Variants in CA10 observed in about 807,000 individuals in gnomAD.
CA10 encodes carbonic anhydrase-related protein 10.
A neutral mutation model predicts 44.2 loss-of-function variants in CA10; 14 were observed. That is an observed-to-expected ratio of 0.32 (90% confidence interval 0.21 to 0.50). The LOEUF is 0.50. Among genes scored for constraint, CA10 ranks in the 20% least tolerant of loss-of-function variants. CA10 has a pLI of 0.99. For synonymous variants in CA10, 159 were observed against 141.6 expected (o/e 1.12, Z -0.87); for missense variants, 350 against 409.7 (o/e 0.85, Z 1.26).
At chr17:51,689,896 A>G (rs1915130150) in intron 4 of CA10, among the ~76,000 whole-genome samples, 1 of 152,152 alleles carries the variant, frequency 6.6e-6, no homozygotes, top group South Asian at 2.1e-4. Flanking sequence ...TAATTAACAT[A>G]TGCATTACTT....
At chr17:51,739,557 G>A (rs555857194) in intron 4 of CA10, among the ~76,000 whole-genome samples, 13 of 152,082 alleles carry the variant, frequency 8.5e-5, no homozygotes, top group Non-Finnish European at 1.8e-4. Flanking sequence ...AGATTAGGCT[G>A]GAGTCAATGG....
At chr17:51,852,883 T>TAC (rs1305608832) in intron 3 of CA10, among the ~76,000 whole-genome samples, 1 of 152,230 alleles carries the variant, frequency 6.6e-6, no homozygotes, top group Non-Finnish European at 1.5e-5. Context: ...TTACTACTCC[T>TAC]ACATCATGCT....
At chr17:51,915,710 T>A (rs562300657) in intron 3 of CA10, among the ~76,000 whole-genome samples, 1 of 152,278 alleles carries the variant, frequency 6.6e-6, no homozygotes, top group South Asian at 2.1e-4. Context: ...CAAATCAGTA[T>A]ACAGATGACA....
At chr17:51,763,230 C>T (rs914743575) in intron 3 of CA10, 2 of 152,182 alleles carry the variant, frequency 1.3e-5, no homozygotes, top group African/African-American at 4.8e-5. Context: ...GTTACATCAG[C>T]CAGTTTGCGT....
At chr17:52,099,878 G>A (rs929094901) in intron 1 of CA10, among the ~76,000 whole-genome samples, 2 of 152,190 alleles carry the variant, frequency 1.3e-5, no homozygotes, top group Admixed American at 6.5e-5. Flanking sequence ...TGATGCTACT[G>A]TAAGGTCATG....
chr17:51,888,538 AT>A (rs1166496444), intron 3 of CA10, among the ~76,000 whole-genome samples: 5 of 152,334 alleles, frequency 3.3e-5, no homozygotes, highest in Non-Finnish European at 4.4e-5. Flanking sequence ...CAAAATACCT[AT>A]CTCAATAGAT....
At chr17:51,934,961 GTGCC>G (rs1982806682) in intron 2 of CA10, among the ~76,000 whole-genome samples, 1 of 152,120 alleles carries the variant, frequency 6.6e-6, no homozygotes, top group Non-Finnish European at 1.5e-5. Flanking sequence ...TGAAGTGCCT[GTGCC>G]TACTGGGGCA....
chr17:51,782,468 C>G (rs574788466), intron 3 of CA10, among the ~76,000 whole-genome samples: 1 of 152,358 alleles, frequency 6.6e-6, no homozygotes, highest in East Asian at 1.9e-4. Flanking sequence ...TGAAGGCCCA[C>G]TGGACTAGAA....
At chr17:51,728,278 CCTTAA>C (rs376563137) in intron 4 of CA10, among the ~76,000 whole-genome samples, 22 of 152,168 alleles carry the variant, frequency 1.4e-4, no homozygotes, top group African/African-American at 5.1e-4. Flanking sequence ...ATCCATCTTC[CCTTAA>C]CTTTTTTTTT....
intron 2 of CA10, 133 bp downstream of exon 2, chr17:52,072,186 T>C (rs1483078948): frequency 1.7e-6 from 1 of 604,960 alleles, no homozygotes; most frequent in Non-Finnish European, 2.8e-6. Flanking sequence ...TAACAAACTT[T>C]GTCTTGATGG....
chr17:51,869,698 T>A (rs1305376191), intron 3 of CA10, among the ~76,000 whole-genome samples: 1 of 152,022 alleles, frequency 6.6e-6, no homozygotes, highest in Non-Finnish European at 1.5e-5. Context: ...TCACTTGAGG[T>A]CAAGAGCTTG....
Position 51,950,875 on chromosome 17 carries a change from CTGT to C in CA10, c.137-19746_137-19744del, listed in dbSNP as rs546797803. ...ATAGCCGAGCGCAGAGATTTTTCACCTGTTGTTGTTTTCTGCTATGTGCTTAGC... is the reference window on the plus strand; with the variant it reads ...ATAGCCGAGCGCAGAGATTTTTCACCTGTTGTTTTCTGCTATGTGCTTAGC... On this transcript the variant is annotated intron_variant, in intron 2 of 8. Coordinates refer to ENST00000451037, the MANE Select transcript of CA10 (RefSeq NM_020178.5). Among the ~76,000 whole-genome samples the C allele has an allele frequency of 7.9e-5, 12 of 152,198 alleles. No homozygotes were observed. The South Asian group carries it at 2.5e-3, about 32-fold the overall frequency.
intron 4 of CA10, among the ~76,000 whole-genome samples, chr17:51,667,444 C>G (rs1389309939): frequency 1.3e-5 from 2 of 152,054 alleles, no homozygotes; most frequent in African/African-American, 2.4e-5. Context: ...TAAAACAGCC[C>G]TTGTGGTATA....
intron 2 of CA10, among the ~76,000 whole-genome samples, chr17:51,932,541 C>T (rs961878619): frequency 1.3e-5 from 2 of 152,150 alleles, no homozygotes; most frequent in Non-Finnish European, 2.9e-5. Flanking sequence ...AGATGGGTCT[C>T]ATTTTAAAAT....
chr17:52,051,100 G>A (rs1219317624), intron 2 of CA10, among the ~76,000 whole-genome samples: 1 of 118,752 alleles, frequency 8.4e-6, no homozygotes, highest in Non-Finnish European at 1.8e-5. Context: ...GGGAAGGGAG[G>A]AAGGAAGGAA....
chr17:51,720,104 C>T (rs1916306276), intron 4 of CA10, among the ~76,000 whole-genome samples: 1 of 152,078 alleles, frequency 6.6e-6, no homozygotes, highest in Non-Finnish European at 1.5e-5. Context: ...GTCTGTGGTT[C>T]TTGCCACAGA....
At chr17:51,646,180 T>C (rs1340478779) in intron 6 of CA10, among the ~76,000 whole-genome samples, 3 of 152,244 alleles carry the variant, frequency 2.0e-5, no homozygotes, top group Non-Finnish European at 4.4e-5. Context: ...ATGTGTGTCA[T>C]TGGTCAAATG....
chr17:52,061,770 G>T (rs183668010), intron 2 of CA10, among the ~76,000 whole-genome samples: 2 of 152,186 alleles, frequency 1.3e-5, no homozygotes, highest in East Asian at 3.9e-4. Flanking sequence ...GCCTCCCCAG[G>T]CATGTGGAAC....
At chr17:52,075,452 T>G (rs1444272244) in intron 1 of CA10, among the ~76,000 whole-genome samples, 1 of 152,212 alleles carries the variant, frequency 6.6e-6, no homozygotes, top group Non-Finnish European at 1.5e-5. Context: ...ATCTTTGCAT[T>G]GCTAAAGAAC....
Sources: allele counts gnomAD v4.1 joint callset (sites outside exome capture counted in the v4.1 genomes callset), GRCh38; gene constraint gnomAD v4.1.1; transcripts MANE v1.5; gene names NCBI Gene and HGNC (gene_info 2026-07-23, HGNC 2026-07-21).